Variants in ANO10 observed in about 807,000 individuals in gnomAD.
ANO10 encodes anoctamin 10.
ANO10 carries 77 observed loss-of-function variants against 74.7 expected under a neutral mutation model. The ratio of observed to expected loss-of-function variants is 1.03; its 90% CI spans 0.86 to 1.25. ANO10 has a LOEUF of 1.25. Ranked by LOEUF, ANO10 falls within the 50% of genes most tolerant of loss-of-function variation. The pLI, the probability that ANO10 is intolerant of heterozygous loss-of-function variation, is 0.00. For missense variants in ANO10, 721 were observed against 778.1 expected (o/e 0.93, Z 0.87); for synonymous variants, 279 against 284.9 (o/e 0.98, Z 0.21).
chr3:43,644,291 G>A (rs531780443), intron 1 of ANO10, among the ~76,000 whole-genome samples: 43 of 152,260 alleles, frequency 2.8e-4, no homozygotes, highest in African/African-American at 1.0e-3. Flanking sequence ...CCAACACTAT[G>A]TATTTAAAAG....
intron 11 of ANO10, among the ~76,000 whole-genome samples, chr3:43,482,376 A>G (rs1346941726): frequency 1.3e-5 from 2 of 152,066 alleles, no homozygotes; most frequent in Admixed American, 6.6e-5. Flanking sequence ...AATACTTCAC[A>G]GAGTTTGACT....
At chr3:43,598,443 T>C in intron 4 of ANO10, 89 bp downstream of exon 4, 1 of 1,299,694 alleles carries the variant, frequency 7.7e-7, no homozygotes, top group Non-Finnish European at 1.1e-6. Context: ...TGTAAGTTTG[T>C]GTAAGTTCTT....
At chr3:43,444,642 A>C (rs1353832982) in intron 11 of ANO10, among the ~76,000 whole-genome samples, 1 of 152,214 alleles carries the variant, frequency 6.6e-6, no homozygotes, top group Non-Finnish European at 1.5e-5. Flanking sequence ...GTTAGCTATA[A>C]GGCAGATGTG....
chr3:43,406,945 C>G (rs1274583893), intron 12 of ANO10, among the ~76,000 whole-genome samples: 1 of 151,768 alleles, frequency 6.6e-6, no homozygotes, highest in Non-Finnish European at 1.5e-5. Context: ...GCTCTGTCAC[C>G]CAGGCTGCAG....
At chr3:43,485,233 G>A (rs945865312) in intron 11 of ANO10, 4 of 653,648 alleles carry the variant, frequency 6.1e-6, no homozygotes, top group South Asian at 1.7e-5. Context: ...GTGCAGCTCC[G>A]GGAGTCATAG....
chr3:43,656,468 G>T, intron 1 of ANO10, among the ~76,000 whole-genome samples: 1 of 152,242 alleles, frequency 6.6e-6, no homozygotes, highest in African/African-American at 2.4e-5. Flanking sequence ...TGGGCGCCAT[G>T]GAGCAGGGGG....
intron 1 of ANO10, among the ~76,000 whole-genome samples, chr3:43,630,982 TTAG>T (rs1223557953): frequency 1.3e-5 from 2 of 152,190 alleles, no homozygotes; most frequent in African/African-American, 4.8e-5. Flanking sequence ...GAGGTATATG[TTAG>T]TAGAGCCCAG....
At chr3:43,543,490 C>A (rs761498449) in intron 11 of ANO10, among the ~76,000 whole-genome samples, 10 of 152,154 alleles carry the variant, frequency 6.6e-5, no homozygotes, top group Non-Finnish European at 1.5e-4. Flanking sequence ...CCCGAATTCA[C>A]GACATTCTCC....
chr3:43,486,059 C>G (rs1026990516), intron 11 of ANO10, among the ~76,000 whole-genome samples: 1 of 152,214 alleles, frequency 6.6e-6, no homozygotes, highest in African/African-American at 2.4e-5. Flanking sequence ...TCTTGTTGGG[C>G]AAATTTGCAT....
intron 11 of ANO10, among the ~76,000 whole-genome samples, chr3:43,498,824 T>A (rs2077001573): frequency 6.6e-6 from 1 of 152,144 alleles, no homozygotes; most frequent in Non-Finnish European, 1.5e-5. Context: ...ATCAGAAAAA[T>A]AAGATATAAC....
intron 11 of ANO10, among the ~76,000 whole-genome samples, chr3:43,453,170 CT>C (rs1244278790): frequency 7.9e-5 from 11 of 138,656 alleles, no homozygotes; most frequent in Admixed American, 3.2e-4. Context: ...AGTTTATCTT[CT>C]TTTCCCCCTT....
At chr3:43,601,863 C>T (rs1195525900) in intron 2 of ANO10, among the ~76,000 whole-genome samples, 1 of 152,156 alleles carries the variant, frequency 6.6e-6, no homozygotes, top group East Asian at 1.9e-4. Flanking sequence ...AGGTACCCCA[C>T]TCCACCAGCT....
chr3:43,428,796 C>CAAA (rs56213626), intron 12 of ANO10, among the ~76,000 whole-genome samples: 1,906 of 55,374 alleles, frequency 0.034, 463 homozygotes, highest in Non-Finnish European at 0.049. Flanking sequence ...TTTGTGAATG[C>CAAA]AAAAAAAAAA....
At chr3:43,622,037 C>T (rs886058485), upstream of ANO10, 2 of 152,092 alleles carry the variant, frequency 1.3e-5, no homozygotes, top group African/African-American at 4.8e-5. Flanking sequence ...GAGCGCTGGG[C>T]GTGGCGGACG....
chr3:43,528,126 A>G (rs778698411), intron 11 of ANO10, among the ~76,000 whole-genome samples: 2 of 152,182 alleles, frequency 1.3e-5, no homozygotes, highest in Non-Finnish European at 2.9e-5. Flanking sequence ...AAAAAAACTC[A>G]GTAAGCTACC....
At chr3:43,689,689 A>C (rs1023724270) in intron 1 of ANO10, among the ~76,000 whole-genome samples, 1 of 152,220 alleles carries the variant, frequency 6.6e-6, no homozygotes, top group Non-Finnish European at 1.5e-5. Flanking sequence ...AGCTGTAACA[A>C]TTACACAAGG....
chr3:43,375,216 C>T (rs1038641211), intron 12 of ANO10, among the ~76,000 whole-genome samples: 2 of 151,854 alleles, frequency 1.3e-5, no homozygotes, highest in African/African-American at 4.8e-5. Context: ...GAGGCCAAGG[C>T]AGGTGGATCA....
chr3:43,509,703 T>A (rs1304585999), intron 11 of ANO10, among the ~76,000 whole-genome samples: 1 of 152,142 alleles, frequency 6.6e-6, no homozygotes, highest in East Asian at 1.9e-4. Context: ...TGAACATTAA[T>A]CCCAGAGAAA....
intron 12 of ANO10, among the ~76,000 whole-genome samples, chr3:43,375,901 T>C (rs930626818): frequency 3.3e-5 from 5 of 152,234 alleles, no homozygotes; most frequent in African/African-American, 4.8e-5. Flanking sequence ...CTTTGTCACA[T>C]TCAATATTTT....
Sources: allele counts gnomAD v4.1 joint callset (sites outside exome capture counted in the v4.1 genomes callset), GRCh38; gene constraint gnomAD v4.1.1; transcripts MANE v1.5; gene names NCBI Gene and HGNC (gene_info 2026-07-23, HGNC 2026-07-21).